The following QSOX2 variants were observed in gnomAD, a reference collection of about 807,000 sequenced individuals.
QSOX2 encodes the protein quiescin sulfhydryl oxidase 2.
A neutral mutation model predicts 61.7 loss-of-function variants in QSOX2; 46 were observed. That is an observed-to-expected ratio of 0.75 (90% CI 0.59 to 0.95). The LOEUF (loss-of-function observed/expected upper bound fraction) is 0.95. Among genes scored for constraint, QSOX2 ranks in the 40% least tolerant of loss-of-function variants. The probability of loss-of-function intolerance (pLI) is 0.00; values close to 1 mark genes in which losing one functional copy is unlikely to be tolerated. For synonymous variants in QSOX2, 383 were observed against 388.4 expected, an observed-to-expected ratio of 0.99 and a Z score of 0.16; for missense variants, 879 against 918.9, an observed-to-expected ratio of 0.96 and a Z score of 0.56.
chr9:136,225,511 G>A (rs540069267), intron 2 of QSOX2, among the ~76,000 whole-genome samples: 303 of 152,372 alleles, frequency 2.0e-3, no homozygotes, highest in African/African-American at 7.0e-3. Flanking sequence ...CAGATGTGCT[G>A]GCACTGCAGC....
Position 136,221,644 on chromosome 9 carries a change from G to A in QSOX2, c.821+152C>T. Reference sequence around the variant, plus strand: ...ACAGCACAGATCAGCAATACCCACGGGCTGAGAGCCAGGGCCCAAATCTGC... The same window carrying A: ...ACAGCACAGATCAGCAATACCCACGAGCTGAGAGCCAGGGCCCAAATCTGC... On this transcript the variant is annotated intron_variant, in intron 6 of 11. Transcript: ENST00000358701. This position sits in a 1 kb window ranked among gnomAD's most constrained non-coding sequence, Gnocchi z 4.5. 2.8e-6 allele frequency: 2 copies of A among 722,608 alleles called. No homozygotes were observed. The highest frequency in any genetic ancestry group is 4.3e-6 in the Non-Finnish European group (2 of 465,274). The allele number at this position is 722,608 out of a possible 1,614,324, so 44.8% of individuals were successfully genotyped here. A position where few individuals can be genotyped will look rare whatever the true frequency, so the allele number is the denominator to read the frequency against.
chr9:136,234,945 C>G (rs1400955847), intron 1 of QSOX2, among the ~76,000 whole-genome samples: 1 of 152,176 alleles, frequency 6.6e-6, no homozygotes, highest in Non-Finnish European at 1.5e-5. Context: ...TTACCGGGCT[C>G]GTTCCTATTT....
In QSOX2 at chr9:136,217,679, C is replaced by T. The variant is rs1032016132; in HGVS notation, c.1087-957G>A. 3.9e-4 allele frequency among the ~76,000 whole-genome samples: 59 copies of T among 152,182 alleles called. 1 individual carries two copies. Among genetic ancestry groups the T allele is most frequent in the Admixed American group, 3.6e-3 (55 of 15,280 alleles). On this transcript the variant is annotated intron_variant, in intron 8 of 11. Coordinates refer to ENST00000358701, the MANE Select transcript of QSOX2 (RefSeq NM_181701.4). ...CTAGACTAAGGGGAAGACGGAGAAG[C>T]CGGGAGAGGAGAGCAGGTCTGCCTA...
intron 1 of QSOX2, among the ~76,000 whole-genome samples, chr9:136,229,367 C>T (rs1268244116): frequency 2.6e-5 from 4 of 152,248 alleles, no homozygotes; most frequent in Non-Finnish European, 5.9e-5. Flanking sequence ...AGCTCACGGG[C>T]GGACCCCTCC....
In QSOX2 at chr9:136,223,723, A is replaced by G; in HGVS notation, c.675+40T>C. On this transcript the variant is annotated intron_variant, in intron 5 of 11. Coordinates refer to ENST00000358701, the MANE Select transcript of QSOX2 (RefSeq NM_181701.4). The surrounding 1 kb of genome is among the most constrained non-coding windows in gnomAD (Gnocchi z 4.4). Reference sequence around the variant, plus strand: ...CACAGATCCACCGCCAACCCCAATCACACCACGTGTGACACCTGGAGCCCA... The same window carrying G: ...CACAGATCCACCGCCAACCCCAATCGCACCACGTGTGACACCTGGAGCCCA... 1.3e-6 allele frequency: 2 copies of G among 1,536,938 alleles called. No homozygotes were observed. Among genetic ancestry groups the G allele is most frequent in the Non-Finnish European group, 1.8e-6 (2 of 1,114,396 alleles).
At chr9:136,216,812 C>T in intron 8 of QSOX2, 90 bp from the exon 9 acceptor site, 2 of 1,509,598 alleles carry the variant, frequency 1.3e-6, no homozygotes, top group Non-Finnish European at 1.8e-6. Flanking sequence ...AAGAGAAGCA[C>T]TCCATCCGCA....
At chr9:136,234,506 T>C (rs1447878674) in intron 1 of QSOX2, among the ~76,000 whole-genome samples, 1 of 152,112 alleles carries the variant, frequency 6.6e-6, no homozygotes, top group Admixed American at 6.5e-5. Flanking sequence ...CAACGCACCA[T>C]CCTAGAGCAA....
rs1246848406 is a variant in QSOX2 at position 136,222,827 on chromosome 9, C to T, written c.676-886G>A. Among the ~76,000 whole-genome samples, 2 of 152,210 alleles carry T rather than the reference C, an allele frequency of 1.3e-5. No homozygotes were observed. The highest frequency in any genetic ancestry group is 2.4e-5 in the African/African-American group (1 of 41,466). On this transcript the variant is annotated intron_variant, in intron 5 of 11. Coordinates refer to ENST00000358701, the MANE Select transcript of QSOX2 (RefSeq NM_181701.4). The surrounding 1 kb of genome is among the most constrained non-coding windows in gnomAD (Gnocchi z 6.9). ...CTCTGGTCTGCGTGTGTGGAGGCCC[C>T]GCCCGAGACAGCAAGGGCACGAGGG...
chr9:136,231,321 C>T (rs907144177), intron 1 of QSOX2, among the ~76,000 whole-genome samples: 1 of 152,258 alleles, frequency 6.6e-6, no homozygotes, highest in Admixed American at 6.5e-5. Flanking sequence ...CTCCCCGTCA[C>T]GCAGGTGACA....
rs188594356 is a variant in QSOX2 at position 136,231,684 on chromosome 9, G to A, written c.329-4810C>T. On this transcript the variant is annotated intron_variant, in intron 1 of 11. Transcript: ENST00000358701. ...ACACTGATCGCTCCTTACCCAGCCC[G>A]CTACCATGGCCTCCGTGCAGTTTCT... is the stretch of plus-strand genomic sequence containing the variant. Among the ~76,000 whole-genome samples, 44 of 152,314 alleles carry A rather than the reference G, an allele frequency of 2.9e-4. 1 individual carries two copies. In the East Asian group the frequency reaches 6.0e-3, roughly 21 times the overall value.
At chr9:136,216,757 C>A (rs1268152687) in intron 8 of QSOX2, 35 bp from the exon 9 acceptor site, 1 of 1,610,332 alleles carries the variant, frequency 6.2e-7, no homozygotes, top group African/African-American at 1.3e-5. Flanking sequence ...GAGCTACAGA[C>A]CCAAACCCGG....
At chr9:136,238,211 T>G (rs1054333441) in intron 1 of QSOX2, among the ~76,000 whole-genome samples, 1 of 152,194 alleles carries the variant, frequency 6.6e-6, no homozygotes, top group African/African-American at 2.4e-5. Context: ...ACCTAATATT[T>G]CCTTAGCAAC....
intron 10 of QSOX2, among the ~76,000 whole-genome samples, chr9:136,211,857 A>AGTC (rs1831850922): frequency 6.6e-6 from 1 of 152,230 alleles, no homozygotes; most frequent in Non-Finnish European, 1.5e-5. Context: ...AGCTGGGTGC[A>AGTC]GTCTCTCTTG....
At chr9:136,215,776 A>G (rs1410932544) in intron 9 of QSOX2, among the ~76,000 whole-genome samples, 2 of 152,216 alleles carry the variant, frequency 1.3e-5, no homozygotes, top group Non-Finnish European at 2.9e-5. Context: ...GAGGGCTGAG[A>G]GCCCCAGGCA....
chr9:136,208,743 G>T lies in QSOX2; in HGVS notation c.2082C>A (p.His694Gln), dbSNP rs1351391383. Residue 694 changes from histidine (H) to glutamine (Q), a missense_variant, in exon 12 of 12, where the codon CAC becomes CAA. Physicochemically the swap from His to Gln is conservative, Grantham distance 24. Transcript: ENST00000358701. ...ACCCGGGCACTCACACGGCCGGGTG[G>T]TGGTGCTTGACCTTCCACCGCCTGG... ...VRSRRWKVKH[H>Q]HPAV The T allele has an allele frequency of 6.2e-7, 1 of 1,609,108 alleles. No individual in the cohort carries two copies. Among genetic ancestry groups the T allele is most frequent in the Admixed American group, 1.7e-5 (1 of 59,906 alleles).
At chr9:136,218,887 A>G in intron 7 of QSOX2, 79 bp from the exon 8 acceptor site, 1 of 1,570,430 alleles carries the variant, frequency 6.4e-7, no homozygotes, top group Non-Finnish European at 8.7e-7. Flanking sequence ...GCTCCTCCCC[A>G]CGGACTCCCA....
At position 136,223,668 on chromosome 9, in the gene QSOX2, G is replaced by T; in HGVS notation, c.675+95C>A. On this transcript the variant is annotated intron_variant, in intron 5 of 11. Coordinates refer to ENST00000358701, the MANE Select transcript of QSOX2 (RefSeq NM_181701.4). The surrounding 1 kb of genome is among the most constrained non-coding windows in gnomAD (Gnocchi z 4.4). ...AGCCACAGACAGGACACGAGATGCC[G>T]ACACAGTGACCGGCACCTGCAAATC... 1.1e-6 allele frequency: 1 copy of T among 920,464 alleles called. No homozygotes were observed. Among genetic ancestry groups the T allele is most frequent in the South Asian group, 1.5e-5 (1 of 66,544 alleles). The allele number at this position is 920,464 out of a possible 1,614,324, so 57.0% of individuals were successfully genotyped here.
At chr9:136,238,949 T>G (rs1312660865) in intron 1 of QSOX2, among the ~76,000 whole-genome samples, 1 of 152,138 alleles carries the variant, frequency 6.6e-6, no homozygotes, top group Non-Finnish European at 1.5e-5. Context: ...GCCCAGGAGT[T>G]CAAAGCCAAC....
chr9:136,227,563 T>G (rs1830293431), intron 1 of QSOX2, among the ~76,000 whole-genome samples: 1 of 152,192 alleles, frequency 6.6e-6, no homozygotes, highest in East Asian at 1.9e-4. Context: ...GGATCAATAA[T>G]TATCAGCTCA....
Sources: gnomAD v4.1 joint callset for allele counts (sites outside exome capture counted in the v4.1 genomes callset) on GRCh38, gnomAD v4.1.1 for gene constraint, Gnocchi (gnomAD v3.1) non-coding constraint, MANE v1.5 for transcripts, NCBI Gene and HGNC (gene_info 2026-07-23, HGNC 2026-07-21) for gene names.